SLC7A10: variants seen among roughly 807,000 people sequenced by gnomAD.
The protein encoded by SLC7A10 is asc-type amino acid transporter 1.
Under a neutral mutation model 52.7 loss-of-function variants are expected in SLC7A10, and 30 were observed. The observed-to-expected ratio is 0.57, with a 90% CI of 0.43 to 0.77. SLC7A10 has a LOEUF of 0.77. Ranked by LOEUF, SLC7A10 falls within the 30% of genes least tolerant of loss-of-function variation. SLC7A10 has a pLI of 0.00. For synonymous variants in SLC7A10, 318 were observed against 314.9 expected, an observed-to-expected ratio of 1.01 and a Z score of -0.10; for missense variants, 581 against 698.5, an observed-to-expected ratio of 0.83 and a Z score of 1.90.
At chr19:33,214,886 A>G (rs1974635034) in intron 2 of SLC7A10, among the ~76,000 whole-genome samples, 1 of 152,172 alleles carries the variant, frequency 6.6e-6, no homozygotes, top group Admixed American at 6.5e-5. Flanking sequence ...AGACCTTTCT[A>G]TCACTGCCTC....
In SLC7A10 at chr19:33,212,299, C is replaced by G. The variant is rs534428145; in HGVS notation, c.781G>C (p.Ala261Pro). 17 of 1,606,298 alleles carry G rather than the reference C, an allele frequency of 1.1e-5. No homozygotes were observed. In the South Asian group the frequency reaches 1.9e-4, roughly 18 times the overall value. Reference sequence around the variant, plus strand: ...GTTGGGGGCCCCACTCACTTTCGGGCGTCAACCATCTCCTCGGTGACATAG... The same window carrying G: ...GTTGGGGGCCCCACTCACTTTCGGGGGTCAACCATCTCCTCGGTGACATAG... The part of the protein sequence containing the change: ...LNYVTEEMVD[A>P]RKNLPRAIFI... Residue 261 changes from alanine (A) to proline (P), a missense_variant, in exon 5 of 11, where the codon GCC (alanine) becomes CCC (proline). Transcript: ENST00000253188.
chr19:33,217,494 T>C (rs575597512), intron 1 of SLC7A10, among the ~76,000 whole-genome samples: 1 of 152,332 alleles, frequency 6.6e-6, no homozygotes, highest in Non-Finnish European at 1.5e-5. Flanking sequence ...TCACCAGAGA[T>C]CTGCACTAGG....
chr19:33,223,943 T>TCACCACCACCACCGCCACCAC (rs1555734652), intron 1 of SLC7A10, among the ~76,000 whole-genome samples: 41 of 147,224 alleles, frequency 2.8e-4, no homozygotes, highest in Admixed American at 5.4e-4. Flanking sequence ...ACCTCTACCA[T>TCACCACCACCACCGCCACCAC]CACCACCACC....
At chr19:33,211,672 T>A in intron 5 of SLC7A10, 135 bp from the exon 6 acceptor site, 2 of 1,502,718 alleles carry the variant, frequency 1.3e-6, no homozygotes, top group African/African-American at 1.4e-5. Flanking sequence ...GGGGGCAGCA[T>A]TGCTGCCCGA....
rs1375509410 is a variant in SLC7A10 at position 33,212,225 on chromosome 19, G to A, written c.788+67C>T. On this transcript the variant is annotated intron_variant, in intron 5 of 10. Transcript: ENST00000253188. ...GCCTTGGGTGGCAGTGGGGCTGGGC[G>A]GAGAGGCTGCCTGTCCCACCAGAGG... The A allele has an allele frequency of 2.6e-5, 41 of 1,552,462 alleles. No homozygotes were observed. In the East Asian group the frequency reaches 3.4e-4, roughly 13 times the overall value.
chr19:33,208,848 C>T lies in SLC7A10; in HGVS notation c.*43G>A. 1 of 1,572,808 alleles carries T rather than the reference C, an allele frequency of 6.4e-7. No individual in the cohort carries two copies. Among genetic ancestry groups the T allele is most frequent in the South Asian group, 1.1e-5 (1 of 90,582 alleles). On this transcript the variant is annotated 3_prime_UTR_variant, in exon 11 of 11. Transcript: ENST00000253188. This position sits in a 1 kb window ranked among gnomAD's most constrained non-coding sequence, Gnocchi z 4.7. ...TTTGCCAAAACACCTCCTCAATAAA[C>T]AACATGTAAACAGAAACAACTGCTT...
rs1313497065 is a variant in SLC7A10 at position 33,210,695 on chromosome 19, C to A, written c.1114-79G>T. 2.5e-6 allele frequency: 4 copies of A among 1,608,048 alleles called. No individual in the cohort carries two copies. The highest frequency in any genetic ancestry group is 3.4e-6 in the Non-Finnish European group (4 of 1,178,060). On this transcript the variant is annotated intron_variant, in intron 8 of 10. Coordinates refer to ENST00000253188, the MANE Select transcript of SLC7A10 (RefSeq NM_019849.3). The surrounding 1 kb of genome is among the most constrained non-coding windows in gnomAD (Gnocchi z 5.6). ...CTGCAGGATGAGCCCTGGCCCCACC[C>A]CCAACCCCCACCCTGGAATGGCTCA...
chr19:33,211,783 G>A (rs2145473312), intron 5 of SLC7A10: 1 of 605,482 alleles, frequency 1.7e-6, no homozygotes, highest in Non-Finnish European at 2.9e-6. Flanking sequence ...TGAGGACAGG[G>A]TCTGATGTCT....
chr19:33,208,949 T>G lies in SLC7A10; in HGVS notation c.1514A>C (p.Asn505Thr). Residue 505 changes from asparagine (N) to threonine (T), a missense_variant, in exon 11 of 11, where the codon AAT becomes ACT. Transcript: ENST00000253188. This position sits in a 1 kb window ranked among gnomAD's most constrained non-coding sequence, Gnocchi z 4.7. The part of the protein sequence containing the change: ...YPQDAPEEEE[N>T]GPCPPSLLPA... ...CAGCAGGGAGGGTGGGCAGGGGCCA[T>G]TCTCCTCCTCTTCGGGGGCGTCCTG... 2 of 1,613,654 alleles carry G rather than the reference T, an allele frequency of 1.2e-6. No individual in the cohort carries two copies. The highest frequency in any genetic ancestry group is 1.7e-6 in the Non-Finnish European group (2 of 1,179,874).
chr19:33,215,330 C>T (rs1268569163), intron 2 of SLC7A10, among the ~76,000 whole-genome samples: 1 of 151,766 alleles, frequency 6.6e-6, no homozygotes. Context: ...ACACTTCCTT[C>T]CTTGCTCCTC....
At chr19:33,221,935 T>C (rs1166904542) in intron 1 of SLC7A10, among the ~76,000 whole-genome samples, 1 of 152,030 alleles carries the variant, frequency 6.6e-6, no homozygotes, top group Non-Finnish European at 1.5e-5. Flanking sequence ...GCCCTGTGAG[T>C]CCAGCCGCCG....
chr19:33,212,245 C>T (rs1227074392), intron 5 of SLC7A10, 47 bp downstream of exon 5: 1 of 1,565,052 alleles, frequency 6.4e-7, no homozygotes, highest in Non-Finnish European at 8.7e-7. Flanking sequence ...CCTGTCCCAC[C>T]AGAGGGCCTG....
chr19:33,213,161 T>A (rs1974595488), intron 2 of SLC7A10, among the ~76,000 whole-genome samples, 159 bp from the exon 3 acceptor site: 1 of 152,226 alleles, frequency 6.6e-6, no homozygotes, highest in South Asian at 2.1e-4. Context: ...GTTGACCTTG[T>A]TGAGGTCTTG....
At chr19:33,215,698 G>C in intron 2 of SLC7A10, 71 bp downstream of exon 2, 2 of 1,463,520 alleles carry the variant, frequency 1.4e-6, no homozygotes, top group Non-Finnish European at 1.8e-6. Context: ...AGTGGAAACT[G>C]ATGCCAGGGC....
rs1974904492 is a variant in SLC7A10, at chr19:33,225,536, G to T, written c.151+17C>A. The stretch of plus-strand genomic sequence containing the variant: ...TTCGGCCTCCGCCCGGCGCCCGCCC[G>T]CCTGGGTCCCGCTCACCGATGATGA... On this transcript the variant is annotated intron_variant, in intron 1 of 10. Transcript: ENST00000253188. 2 of 1,595,364 alleles carry T rather than the reference G, an allele frequency of 1.3e-6. No individual in the cohort carries two copies. The highest frequency in any genetic ancestry group is 1.7e-6 in the Non-Finnish European group (2 of 1,178,878).
intron 1 of SLC7A10, 39 bp downstream of exon 1, chr19:33,225,514 G>A: frequency 1.3e-6 from 2 of 1,592,212 alleles, no homozygotes; most frequent in Non-Finnish European, 1.7e-6. Flanking sequence ...CCCCTCATTC[G>A]GCCTCCGCCC....
In SLC7A10 at chr19:33,215,750, G is replaced by C; in HGVS notation, c.356+19C>G. The C allele has an allele frequency of 6.5e-7, 1 of 1,549,022 alleles. No individual in the cohort carries two copies. Among genetic ancestry groups the C allele is most frequent in the Non-Finnish European group, 8.7e-7 (1 of 1,145,680 alleles). On this transcript the variant is annotated intron_variant, in intron 2 of 10. Coordinates refer to ENST00000253188, the MANE Select transcript of SLC7A10 (RefSeq NM_019849.3). ...TTCCCAAGAGGGTGTCCCCCTGCCC[G>C]CTGGTGCCCCACACTCACCCAGCCA...
At chr19:33,225,116 C>T (rs1048433150) in intron 1 of SLC7A10, among the ~76,000 whole-genome samples, 16 of 152,252 alleles carry the variant, frequency 1.1e-4, no homozygotes, top group African/African-American at 3.9e-4. Context: ...GGACCCTGCA[C>T]ACAGTAGGTA....
rs771261348 is a variant in SLC7A10, at chr19:33,225,609, T to C, written c.95A>G (p.Glu32Gly). Residue 32 changes from glutamate (E) to glycine (G), a missense_variant, in exon 1 of 11, where the codon GAG becomes GGG. Physicochemically the swap from Glu to Gly is moderately conservative, Grantham distance 98. Coordinates refer to ENST00000253188, the MANE Select transcript of SLC7A10 (RefSeq NM_019849.3). ...GATCTCCTTCTTGAGCGCCACCCGC[T>C]CCGAGGCGCCGGGGACGGTCCCTGG... Reference protein sequence around the residue: ...PVPGTVPGASERVALKKEIGL... With the variant: ...PVPGTVPGASGRVALKKEIGL... 6.3e-7 allele frequency: 1 copy of C among 1,594,698 alleles called. No individual in the cohort carries two copies. The highest frequency in any genetic ancestry group is 1.1e-5 in the South Asian group (1 of 90,554).
Sources: gnomAD v4.1 joint callset for allele counts (sites outside exome capture counted in the v4.1 genomes callset) on GRCh38, gnomAD v4.1.1 for gene constraint, Gnocchi (gnomAD v3.1) non-coding constraint, MANE v1.5 for transcripts, NCBI Gene and HGNC (gene_info 2026-07-23, HGNC 2026-07-21) for gene names.